The following RAPGEF5 variants were observed in gnomAD, a reference collection of about 807,000 sequenced individuals.
RAPGEF5 encodes the protein Rap guanine nucleotide exchange factor 5, also known as M-Ras-regulated GEF.
Under a neutral mutation model 125.2 loss-of-function variants are expected in RAPGEF5, and 65 were observed. The ratio of observed to expected loss-of-function variants is 0.52; its 90% confidence interval spans 0.43 to 0.64. RAPGEF5 has a LOEUF of 0.64. Ranked by LOEUF, RAPGEF5 falls within the 30% of genes least tolerant of loss-of-function variation. The probability of loss-of-function intolerance (pLI) is 0.00; values close to 1 mark genes in which losing one functional copy is unlikely to be tolerated. For missense variants in RAPGEF5, 958 were observed against 1,048.1 expected, an observed-to-expected ratio of 0.91 and a Z score of 1.19; for synonymous variants, 391 against 385.9, an observed-to-expected ratio of 1.01 and a Z score of -0.16.
intron 5 of RAPGEF5, among the ~76,000 whole-genome samples, chr7:22,302,535 C>T (rs1295925688): frequency 1.3e-5 from 2 of 152,218 alleles, no homozygotes; most frequent in East Asian, 3.9e-4. Flanking sequence ...CCTATCCACT[C>T]GCAAGACCAG....
intron 9 of RAPGEF5, among the ~76,000 whole-genome samples, chr7:22,211,650 C>A (rs769396906): frequency 6.6e-6 from 1 of 152,218 alleles, no homozygotes. Flanking sequence ...GACCAGGAAG[C>A]TTTGAAGGAG....
At chr7:22,182,870 T>C (rs1478798374) in intron 11 of RAPGEF5, among the ~76,000 whole-genome samples, 2 of 152,256 alleles carry the variant, frequency 1.3e-5, no homozygotes, top group Non-Finnish European at 1.5e-5. Flanking sequence ...ATGTTTCAAA[T>C]GCAGCCTTCA....
intron 11 of RAPGEF5, among the ~76,000 whole-genome samples, chr7:22,185,085 G>T (rs1332590279): frequency 6.6e-6 from 1 of 152,192 alleles, no homozygotes; most frequent in Non-Finnish European, 1.5e-5. Flanking sequence ...CTTATAGCTT[G>T]AGTTGAATGT....
At position 22,194,948 on chromosome 7, in the gene RAPGEF5, T is replaced by C. The variant is rs3813384; in HGVS notation, c.997-915A>G. Among the ~76,000 whole-genome samples the C allele has an allele frequency of 1.8e-4, 27 of 152,310 alleles. No homozygotes were observed. In the East Asian group the frequency reaches 4.8e-3, roughly 27 times the overall value. On this transcript the variant is annotated intron_variant, in intron 9 of 25. Transcript: ENST00000665637. Reference sequence around the variant, plus strand: ...TGTGCAATACCCAGTAAGCGTACGGTAGCCCGGGAGAAAGGAACTATAAGA... The same window carrying C: ...TGTGCAATACCCAGTAAGCGTACGGCAGCCCGGGAGAAAGGAACTATAAGA...
intron 7 of RAPGEF5, among the ~76,000 whole-genome samples, chr7:22,244,368 C>T (rs1292847700): frequency 6.6e-6 from 1 of 152,154 alleles, no homozygotes; most frequent in Non-Finnish European, 1.5e-5. Context: ...CCAGGCCACA[C>T]AGCAGGAGGT....
At chr7:22,339,117 G>A (rs1028614577) in intron 1 of RAPGEF5, among the ~76,000 whole-genome samples, 3 of 152,150 alleles carry the variant, frequency 2.0e-5, no homozygotes, top group South Asian at 2.1e-4. Context: ...AGAGAAGAAC[G>A]CCTCAAGTGA....
At chr7:22,316,489 A>ATTT (rs1174593478) in intron 2 of RAPGEF5, among the ~76,000 whole-genome samples, 51 of 50,632 alleles carry the variant, frequency 1.0e-3, no homozygotes, top group East Asian at 4.0e-3. Flanking sequence ...ATATATATAT[A>ATTT]TTTTTTTTTT....
In RAPGEF5 at chr7:22,357,070, G is replaced by A. The variant is rs1461965579; in HGVS notation, c.-10C>T. Reference sequence around the variant, plus strand: ...CCACGGCCATCCTCATGCCCTGACGGCGCTGCGGCGCCGGGGGCTCCTCTC... The same window carrying A: ...CCACGGCCATCCTCATGCCCTGACGACGCTGCGGCGCCGGGGGCTCCTCTC... On this transcript the variant is annotated 5_prime_UTR_variant, in exon 1 of 26. Transcript: ENST00000665637. 2 of 1,035,746 alleles carry A rather than the reference G, an allele frequency of 1.9e-6. No individual in the cohort carries two copies. Among genetic ancestry groups the A allele is most frequent in the South Asian group, 4.2e-5 (1 of 23,646 alleles). The allele number at this position is 1,035,746 out of a possible 1,614,324, so 64.2% of individuals were successfully genotyped here. A position where few individuals can be genotyped will look rare whatever the true frequency, so the allele number is the denominator to read the frequency against.
chr7:22,282,123 G>A lies in RAPGEF5; in HGVS notation c.747+9052C>T, dbSNP rs947730825. 3.2e-4 allele frequency among the ~76,000 whole-genome samples: 48 copies of A among 151,754 alleles called. 1 individual carries two copies. The highest frequency in any genetic ancestry group is 3.3e-4 in the Admixed American group (5 of 15,236). The stretch of plus-strand genomic sequence containing the variant: ...TTCAAGCCATTCCCCCCTCTCCAGC[G>A]GACCTATTTTAAAACCGTAACTGAG... On this transcript the variant is annotated intron_variant, in intron 6 of 25. Coordinates refer to ENST00000665637, the MANE Select transcript of RAPGEF5 (RefSeq NM_012294.5).
rs1206377730 is a variant in RAPGEF5, at chr7:22,230,934, C to T, written c.797-15G>A. On this transcript the variant is annotated splice_polypyrimidine_tract_variant and intron_variant, in intron 7 of 25. Transcript: ENST00000665637. ...TTGTTCAATTGCTTAAAAAAAAGAA[C>T]ACCATTAAACAAATGTATCATCATA... 2.6e-6 allele frequency: 4 copies of T among 1,549,060 alleles called. No individual in the cohort carries two copies. The highest frequency in any genetic ancestry group is 3.5e-6 in the Non-Finnish European group (4 of 1,143,704).
At chr7:22,271,720 C>G (rs1782431808) in intron 6 of RAPGEF5, among the ~76,000 whole-genome samples, 1 of 152,198 alleles carries the variant, frequency 6.6e-6, no homozygotes. Flanking sequence ...AGTTACCCAA[C>G]AGAAACTAGA....
chr7:22,294,456 A>C (rs1425353711), intron 5 of RAPGEF5, among the ~76,000 whole-genome samples: 1 of 152,176 alleles, frequency 6.6e-6, no homozygotes, highest in Non-Finnish European at 1.5e-5. Context: ...GCAATATCTA[A>C]GGGTGTCACT....
chr7:22,315,558 T>A, intron 2 of RAPGEF5, 82 bp from the exon 3 acceptor site: 1 of 577,764 alleles, frequency 1.7e-6, no homozygotes, highest in Non-Finnish European at 2.2e-6. Flanking sequence ...TATATATATA[T>A]ATATATATAT....
chr7:22,223,743 G>C (rs1016582413), intron 8 of RAPGEF5, among the ~76,000 whole-genome samples: 1 of 152,106 alleles, frequency 6.6e-6, no homozygotes, highest in African/African-American at 2.4e-5. Context: ...AGGTACGTTG[G>C]CATATTTGGT....
At chr7:22,187,134 C>T (rs1020082791) in intron 11 of RAPGEF5, among the ~76,000 whole-genome samples, 7 of 152,122 alleles carry the variant, frequency 4.6e-5, no homozygotes, top group African/African-American at 1.7e-4. Flanking sequence ...ATTTCCTAAG[C>T]CCTCGTGCAA....
chr7:22,325,681 T>C (rs1783800396), intron 1 of RAPGEF5, among the ~76,000 whole-genome samples: 1 of 152,128 alleles, frequency 6.6e-6, no homozygotes, highest in Non-Finnish European at 1.5e-5. Flanking sequence ...TCCTTCCACC[T>C]CAGACCACAA....
intron 9 of RAPGEF5, among the ~76,000 whole-genome samples, chr7:22,212,251 G>A (rs1785526932): frequency 6.6e-6 from 1 of 152,144 alleles, no homozygotes; most frequent in Non-Finnish European, 1.5e-5. Flanking sequence ...GGGATTACAG[G>A]CGTGAGCCAC....
chr7:22,189,524 TC>T (rs2090719806), intron 11 of RAPGEF5, among the ~76,000 whole-genome samples: 2 of 152,222 alleles, frequency 1.3e-5, no homozygotes, highest in African/African-American at 4.8e-5. Context: ...TTGTTTTTTT[TC>T]TTTCTTACCT....
intron 1 of RAPGEF5, among the ~76,000 whole-genome samples, chr7:22,339,445 GA>G (rs1784086800): frequency 6.6e-6 from 1 of 152,204 alleles, no homozygotes; most frequent in South Asian, 2.1e-4. Context: ...AAGAAAGAAA[GA>G]AAGTGTTGTG....
Sources: allele counts gnomAD v4.1 joint callset (sites outside exome capture counted in the v4.1 genomes callset), GRCh38; gene constraint gnomAD v4.1.1; transcripts MANE v1.5; gene names NCBI Gene and HGNC (gene_info 2026-07-23, HGNC 2026-07-21).